Variants in FYB2 observed in about 807,000 individuals in gnomAD.
FYB2 encodes the protein FYN binding protein 2.
In FYB2, 103 loss-of-function variants were observed where a neutral mutation model predicts 94.1. The observed-to-expected ratio is 1.09, with a 90% CI of 0.93 to 1.29. The LOEUF is 1.29. Ranked by LOEUF, FYB2 falls within the 50% of genes most tolerant of loss-of-function variation. FYB2 has a pLI of 0.00. For missense variants in FYB2, 896 were observed against 841.5 expected (o/e 1.06, Z -0.80); for synonymous variants, 293 against 287.9 (o/e 1.02, Z -0.18).
rs768223922 is a variant in FYB2, at chr1:56,733,408, G to GT, written c.1793+3678dup. 1.2e-3 allele frequency among the ~76,000 whole-genome samples: 178 copies of GT among 152,032 alleles called. 1 individual carries two copies. The Middle Eastern group carries it at 0.014, about 12-fold the overall frequency. Reference sequence around the variant, plus strand: ...TCCTGGATTCATTGATTTTTTGAAGGTTTTTTTGTGTGTCTCTATCTCCTT... The same window carrying GT: ...TCCTGGATTCATTGATTTTTTGAAGGTTTTTTTTGTGTGTCTCTATCTCCTT... On this transcript the variant is annotated intron_variant, in intron 15 of 19. Transcript: ENST00000343433.
At chr1:56,768,684 C>T (rs1395632978) in intron 4 of FYB2, among the ~76,000 whole-genome samples, 10 of 152,016 alleles carry the variant, frequency 6.6e-5, no homozygotes, top group Non-Finnish European at 1.5e-4. Context: ...CTGTAGTTTC[C>T]AAAGAAAACA....
intron 1 of FYB2, among the ~76,000 whole-genome samples, chr1:56,812,213 C>T (rs1479112725): frequency 6.6e-6 from 1 of 152,142 alleles, no homozygotes; most frequent in Non-Finnish European, 1.5e-5. Flanking sequence ...AAATCTGAAA[C>T]TCACAGAAGA....
intron 1 of FYB2, among the ~76,000 whole-genome samples, chr1:56,808,843 A>G (rs1646702748): frequency 6.6e-6 from 1 of 152,178 alleles, no homozygotes; most frequent in South Asian, 2.1e-4. Context: ...TTCACTAATG[A>G]TCCTTGCATG....
In FYB2 at chr1:56,744,166, G is replaced by C. The variant is rs776233368; in HGVS notation, c.1488C>G (p.Tyr496Ter). 3 of 1,612,430 alleles carry C rather than the reference G, an allele frequency of 1.9e-6. No homozygotes were observed. Among genetic ancestry groups the C allele is most frequent in the Non-Finnish European group, 2.5e-6 (3 of 1,179,118 alleles). Residue 496 changes from tyrosine (Y) to a stop codon, truncating the protein, a stop_gained, in exon 10 of 20, where the codon TAC becomes TAG. Coordinates refer to ENST00000343433, the MANE Select transcript of FYB2 (RefSeq NM_001004303.5). LOFTEE classifies it high-confidence loss of function. ...ISEEIYDDVEYSRKEVPKLNY... is the reference protein window; with the variant it reads ...ISEEIYDDVE ...ATGTTACTTACACCTCTTTCCTGGA[G>C]TACTCGACATCATCATATATCTCCT... is the stretch of plus-strand genomic sequence containing the variant.
chr1:56,743,797 T>A (rs1408726006), intron 11 of FYB2, among the ~76,000 whole-genome samples: 1 of 152,078 alleles, frequency 6.6e-6, no homozygotes, highest in Non-Finnish European at 1.5e-5. Flanking sequence ...AACTCACTTT[T>A]ACCATAAGAA....
intron 12 of FYB2, among the ~76,000 whole-genome samples, chr1:56,741,401 ACT>A (rs1284410406): frequency 6.6e-6 from 1 of 151,794 alleles, no homozygotes; most frequent in Non-Finnish European, 1.5e-5. Flanking sequence ...GAAAATCCTG[ACT>A]CTTGAAATTC....
At position 56,792,318 on chromosome 1, in the gene FYB2, C is replaced by G. The variant is rs1434220177; in HGVS notation, c.495G>C (p.Lys165Asn). The G allele has an allele frequency of 6.2e-7, 1 of 1,613,940 alleles. No individual in the cohort carries two copies. The highest frequency in any genetic ancestry group is 1.7e-5 in the Admixed American group (1 of 59,980). Residue 165 changes from lysine (K) to asparagine (N), a missense_variant, in exon 2 of 20, where the codon AAG becomes AAC. Physicochemically the swap from Lys to Asn is moderately conservative, Grantham distance 94. Transcript: ENST00000343433. ...SALLLANYGS[K>N]AIHLEGQKGM... Reference sequence around the variant, plus strand: ...CTTTTTGCCCTTCCAGATGGATGGCCTTACTTCCATAGTTGGCAAGGAGAA... The same window carrying G: ...CTTTTTGCCCTTCCAGATGGATGGCGTTACTTCCATAGTTGGCAAGGAGAA...
At chr1:56,791,790 T>C (rs1267427567) in intron 2 of FYB2, among the ~76,000 whole-genome samples, 1 of 152,200 alleles carries the variant, frequency 6.6e-6, no homozygotes, top group East Asian at 1.9e-4. Context: ...ATAAATTGCC[T>C]AAATTCATGC....
At chr1:56,807,006 T>C (rs530809089) in intron 1 of FYB2, among the ~76,000 whole-genome samples, 17 of 152,286 alleles carry the variant, frequency 1.1e-4, no homozygotes, top group African/African-American at 3.9e-4. Flanking sequence ...AGCCCATCCC[T>C]GATTACATGC....
At chr1:56,774,654 C>T (rs1245458474) in intron 4 of FYB2, among the ~76,000 whole-genome samples, 1 of 152,044 alleles carries the variant, frequency 6.6e-6, no homozygotes, top group Non-Finnish European at 1.5e-5. Context: ...CATAACCTTA[C>T]TGTGATGGTT....
intron 1 of FYB2, among the ~76,000 whole-genome samples, chr1:56,809,698 A>G (rs1041136079): frequency 1.3e-5 from 2 of 151,870 alleles, no homozygotes; most frequent in Admixed American, 1.3e-4. Flanking sequence ...TGTTTATTAC[A>G]CTCTAATTGT....
intron 17 of FYB2, among the ~76,000 whole-genome samples, chr1:56,721,645 T>C (rs1203310081): frequency 1.3e-5 from 2 of 152,032 alleles, no homozygotes; most frequent in African/African-American, 4.8e-5. Flanking sequence ...ACATTTGGGG[T>C]CCATTGCATA....
At chr1:56,721,263 C>G (rs1448711290) in intron 17 of FYB2, among the ~76,000 whole-genome samples, 1 of 152,040 alleles carries the variant, frequency 6.6e-6, no homozygotes, top group Non-Finnish European at 1.5e-5. Context: ...TTACAGGTAC[C>G]TACTTCTCCA....
intron 9 of FYB2, 91 bp downstream of exon 9, chr1:56,750,953 A>G (rs1006042601): frequency 7.0e-7 from 1 of 1,433,198 alleles, no homozygotes; most frequent in African/African-American, 1.4e-5. Context: ...GATGTTCAAT[A>G]AATATTGGTA....
chr1:56,740,564 C>A (rs112182449), intron 13 of FYB2, 133 bp downstream of exon 13: 5 of 492,968 alleles, frequency 1.0e-5, no homozygotes, highest in African/African-American at 8.0e-5. Context: ...AAGAAAGGGG[C>A]AGATGATGGC....
At chr1:56,731,006 A>G (rs970890300) in intron 15 of FYB2, among the ~76,000 whole-genome samples, 10 of 152,066 alleles carry the variant, frequency 6.6e-5, no homozygotes, top group African/African-American at 2.4e-4. Context: ...CCAGGAAGTC[A>G]AGGCTGCAGT....
rs373986672 is a variant in FYB2, at chr1:56,757,687, C to T, written c.1098+1029G>A. Among the ~76,000 whole-genome samples, 63 of 71,952 alleles carry T rather than the reference C, an allele frequency of 8.8e-4. 1 individual carries two copies. The highest frequency in any genetic ancestry group is 3.8e-3 in the African/African-American group (60 of 15,800). The allele number at this position is 71,952 out of a possible 152,430, so 47.2% of individuals were successfully genotyped here. On this transcript the variant is annotated intron_variant, in intron 6 of 19. Coordinates refer to ENST00000343433, the MANE Select transcript of FYB2 (RefSeq NM_001004303.5). ...TCTTTCTTTCCTCTTTCCTTCCTTC[C>T]TTCTTTCTTTCTTTCTTTCTTTCTT...
intron 6 of FYB2, among the ~76,000 whole-genome samples, chr1:56,758,465 T>C (rs1445487033): frequency 1.3e-5 from 2 of 152,094 alleles, no homozygotes; most frequent in African/African-American, 4.8e-5. Flanking sequence ...AAGCTAGTTG[T>C]CACTGCCCAC....
intron 6 of FYB2, among the ~76,000 whole-genome samples, chr1:56,758,174 T>C (rs1645404466): frequency 1.3e-5 from 2 of 151,920 alleles, no homozygotes; most frequent in South Asian, 4.1e-4. Context: ...CCTTCATTTA[T>C]CTTATTTTCA....
Sources: allele counts gnomAD v4.1 joint callset (sites outside exome capture counted in the v4.1 genomes callset), GRCh38; gene constraint gnomAD v4.1.1; transcripts MANE v1.5; gene names NCBI Gene and HGNC (gene_info 2026-07-23, HGNC 2026-07-21).